The following EHMT1 variants were observed in gnomAD, a reference collection of about 807,000 sequenced individuals.
EHMT1 encodes histone-lysine N-methyltransferase EHMT1.
Under a neutral mutation model 147.2 loss-of-function variants are expected in EHMT1, and 15 were observed. The ratio of observed to expected loss-of-function variants is 0.10; its 90% CI spans 0.07 to 0.16. The LOEUF (loss-of-function observed/expected upper bound fraction) is 0.16, where lower values mean the gene tolerates loss of function less well. EHMT1 is among the 10% of genes least tolerant of loss of function. The probability of loss-of-function intolerance (pLI) is 1.00; values close to 1 mark genes in which losing one functional copy is unlikely to be tolerated. For missense variants in EHMT1, 1,587 were observed against 1,772.4 expected (o/e 0.90, Z 1.88); for synonymous variants, 795 against 709.6 (o/e 1.12, Z -1.91).
At chr9:137,657,412 T>A (rs955768291) in intron 1 of EHMT1, among the ~76,000 whole-genome samples, 4 of 151,280 alleles carry the variant, frequency 2.6e-5, no homozygotes, top group African/African-American at 9.7e-5. Context: ...GCTGTCGCGC[T>A]CGTTAGGATG....
Position 137,790,798 on chromosome 9 carries a change from G to A in EHMT1, c.2383-50G>A, listed in dbSNP as rs6559224. ...GCTTGTAAGTCACTTCTCCCCAGGC[G>A]GTGGCTACCGTCACAGCCCTCCCAT... On this transcript the variant is annotated intron_variant, in intron 15 of 26. Coordinates refer to ENST00000460843, the MANE Select transcript of EHMT1 (RefSeq NM_024757.5). 9.3e-3 allele frequency: 15,024 copies of A among 1,613,818 alleles called. 1,180 individuals are homozygous for A. In the African/African-American group the frequency reaches 0.17, roughly 18 times the overall value.
rs531250584 is a variant in EHMT1, at chr9:137,709,233, T to C, written c.22-1734T>C. Among the ~76,000 whole-genome samples, 15 of 152,044 alleles carry C rather than the reference T, an allele frequency of 9.9e-5. No homozygotes were observed. The South Asian group carries it at 2.3e-3, about 23-fold the overall frequency. Reference sequence around the variant, plus strand: ...TTGCAGGGACCCCGGAGAGCTCCTGTTGGGGGGTAGGTGTGAAGGGTGCAG... The same window carrying C: ...TTGCAGGGACCCCGGAGAGCTCCTGCTGGGGGGTAGGTGTGAAGGGTGCAG... On this transcript the variant is annotated intron_variant, in intron 1 of 26. Coordinates refer to ENST00000460843, the MANE Select transcript of EHMT1 (RefSeq NM_024757.5).
intron 16 of EHMT1, among the ~76,000 whole-genome samples, chr9:137,796,334 A>G (rs114172911): frequency 0.01 from 1,561 of 152,358 alleles, 28 homozygotes; most frequent in African/African-American, 0.035. Flanking sequence ...GTCACAAAGG[A>G]CACGAACAGG....
At chr9:137,808,226 G>T (rs556666602) in intron 18 of EHMT1, among the ~76,000 whole-genome samples, 1 of 151,698 alleles carries the variant, frequency 6.6e-6, no homozygotes, top group Non-Finnish European at 1.5e-5. Context: ...CTAGTGTCCT[G>T]CCGGATGACC....
In EHMT1 at chr9:137,752,351, G is replaced by A. The variant is rs1253680543; in HGVS notation, c.1191G>A (p.Glu397=). Residue 397 remains glutamate (E), a synonymous_variant, in exon 7 of 27, where the codon GAG becomes GAA. Transcript: ENST00000460843. ...ATCAGATGGACGGGGAGTCCGAGGAGGAGCAGGAGTCCGTGGACACCGGGG... is the reference window on the plus strand; with the variant it reads ...ATCAGATGGACGGGGAGTCCGAGGAAGAGCAGGAGTCCGTGGACACCGGGG... ...RAQKMDGESE[E]EQESVDTGEE... The A allele has an allele frequency of 6.2e-7, 1 of 1,614,248 alleles. No homozygotes were observed. Among genetic ancestry groups the A allele is most frequent in the Non-Finnish European group, 8.5e-7 (1 of 1,180,042 alleles).
chr9:137,642,032 G>T (rs145297385), intron 1 of EHMT1, among the ~76,000 whole-genome samples: 335 of 151,546 alleles, frequency 2.2e-3, no homozygotes, highest in African/African-American at 7.8e-3. Flanking sequence ...TAGAGACGGA[G>T]TTTCGTCAAG....
At chr9:137,691,397 C>T (rs1053515077) in intron 1 of EHMT1, among the ~76,000 whole-genome samples, 18 of 150,212 alleles carry the variant, frequency 1.2e-4, no homozygotes, top group African/African-American at 2.2e-4. Context: ...AGTCTGGTCT[C>T]GAATTCCTGA....
chr9:137,670,525 T>C (rs1385782295), intron 1 of EHMT1, among the ~76,000 whole-genome samples: 1 of 152,128 alleles, frequency 6.6e-6, no homozygotes, highest in Non-Finnish European at 1.5e-5. Flanking sequence ...GCTCCCTTCA[T>C]GGCTTCCCAT....
At chr9:137,697,556 T>A (rs1371036252) in intron 1 of EHMT1, among the ~76,000 whole-genome samples, 1 of 152,216 alleles carries the variant, frequency 6.6e-6, no homozygotes, top group African/African-American at 2.4e-5. Flanking sequence ...TTTAGCCTCA[T>A]GTAGAAGGAC....
Position 137,824,486 on chromosome 9 carries a change from C to T in EHMT1, c.3540+6348C>T, listed in dbSNP as rs547958073. 1.4e-4 allele frequency among the ~76,000 whole-genome samples: 22 copies of T among 152,036 alleles called. 1 individual carries two copies. The South Asian group carries it at 4.6e-3, about 32-fold the overall frequency. ...GTTTTTTTTTCAAAACTGTTTTGCT[C>T]CTCCATGTCCTTTGCATTTCCATAG... On this transcript the variant is annotated intron_variant, in intron 25 of 26. Coordinates refer to ENST00000460843, the MANE Select transcript of EHMT1 (RefSeq NM_024757.5).
chr9:137,751,881 TG>T (rs1206488409), intron 6 of EHMT1, among the ~76,000 whole-genome samples: 11 of 152,280 alleles, frequency 7.2e-5, no homozygotes, highest in African/African-American at 2.4e-4. Flanking sequence ...CATGGGTGTG[TG>T]GGGGTAGGTC....
At chr9:137,774,123 C>T (rs530599516) in intron 10 of EHMT1, among the ~76,000 whole-genome samples, 2 of 152,326 alleles carry the variant, frequency 1.3e-5, no homozygotes, top group South Asian at 2.1e-4. Context: ...CTTGGGGCTC[C>T]CACAGATTCA....
At chr9:137,761,078 C>T (rs559566993) in intron 9 of EHMT1, among the ~76,000 whole-genome samples, 3 of 152,168 alleles carry the variant, frequency 2.0e-5, no homozygotes, top group South Asian at 2.1e-4. Flanking sequence ...GATTCATGAA[C>T]GAGGCAGCTC....
At chr9:137,694,372 C>G (rs1442281795) in intron 1 of EHMT1, among the ~76,000 whole-genome samples, 1 of 150,830 alleles carries the variant, frequency 6.6e-6, no homozygotes, top group Non-Finnish European at 1.5e-5. Flanking sequence ...TGGTGCTGGA[C>G]TCTGGCCGAT....
intron 1 of EHMT1, among the ~76,000 whole-genome samples, chr9:137,621,756 C>T (rs1422059619): frequency 5.3e-5 from 8 of 152,124 alleles, no homozygotes; most frequent in Non-Finnish European, 1.2e-4. Context: ...TCCTTTGACT[C>T]AAGGCTTTTG....
intron 1 of EHMT1, among the ~76,000 whole-genome samples, chr9:137,679,936 G>A (rs1032360084): frequency 6.6e-6 from 1 of 152,098 alleles, no homozygotes; most frequent in Non-Finnish European, 1.5e-5. Flanking sequence ...TTCACTCATT[G>A]ATCTGCAATG....
At chr9:137,741,590 G>A (rs1343335434) in intron 4 of EHMT1, among the ~76,000 whole-genome samples, 1 of 152,184 alleles carries the variant, frequency 6.6e-6, no homozygotes, top group African/African-American at 2.4e-5. Context: ...ATGAAATGAG[G>A]AAAAGAATCT....
intron 1 of EHMT1, among the ~76,000 whole-genome samples, chr9:137,661,468 C>T (rs1939066486): frequency 6.6e-6 from 1 of 151,310 alleles, no homozygotes; most frequent in South Asian, 2.1e-4. Flanking sequence ...AATTTTACCC[C>T]AGGTAGTTTT....
intron 1 of EHMT1, among the ~76,000 whole-genome samples, chr9:137,649,307 A>C (rs918035947): frequency 2.6e-5 from 4 of 152,042 alleles, no homozygotes; most frequent in Admixed American, 2.6e-4. Context: ...TAAAAATATA[A>C]AAATTAGTCG....
Sources: allele counts gnomAD v4.1 joint callset (sites outside exome capture counted in the v4.1 genomes callset), GRCh38; gene constraint gnomAD v4.1.1; transcripts MANE v1.5; gene names NCBI Gene and HGNC (gene_info 2026-07-23, HGNC 2026-07-21).